DCDC1: variants seen among roughly 807,000 people sequenced by gnomAD.
DCDC1 encodes doublecortin domain-containing protein 1.
A neutral mutation model predicts 178.3 loss-of-function variants in DCDC1; 200 were observed. The observed-to-expected ratio is 1.12, with a 90% CI of 1.00 to 1.26. The LOEUF (loss-of-function observed/expected upper bound fraction) is 1.26. Among genes scored for constraint, DCDC1 ranks in the 50% most tolerant of loss-of-function variants. The pLI is 0.00. For synonymous variants in DCDC1, 690 were observed against 604.8 expected (o/e 1.14, Z -2.07); for missense variants, 1,983 against 1,749.2 (o/e 1.13, Z -2.38).
At chr11:31,056,265 G>A (rs1055636203) in intron 20 of DCDC1, among the ~76,000 whole-genome samples, 1 of 151,798 alleles carries the variant, frequency 6.6e-6, no homozygotes, top group African/African-American at 2.4e-5. Flanking sequence ...AATTTTAGAG[G>A]AGACCAAAAA....
intron 36 of DCDC1, 122 bp from the exon 37 acceptor site, chr11:30,881,430 T>A: frequency 7.9e-7 from 1 of 1,260,960 alleles, no homozygotes; most frequent in East Asian, 2.4e-5. Context: ...CTGATAGTTG[T>A]TAGACATTCG....
At chr11:30,923,774 G>T (rs1946419065) in intron 23 of DCDC1, among the ~76,000 whole-genome samples, 1 of 151,734 alleles carries the variant, frequency 6.6e-6, no homozygotes, top group African/African-American at 2.4e-5. Context: ...CTGCCACCAT[G>T]CCCAGCTAAT....
chr11:31,170,251 A>G (rs955809015), intron 9 of DCDC1, among the ~76,000 whole-genome samples: 7 of 152,116 alleles, frequency 4.6e-5, no homozygotes, highest in Non-Finnish European at 8.8e-5. Context: ...GTGTATGCTG[A>G]TGTCATTCTG....
At chr11:31,360,322 A>C (rs1272051367) in intron 1 of DCDC1, among the ~76,000 whole-genome samples, 1 of 152,136 alleles carries the variant, frequency 6.6e-6, no homozygotes, top group African/African-American at 2.4e-5. Flanking sequence ...AACTCCTCTA[A>C]AGAAAGATGT....
chr11:31,355,072 T>C (rs948404960), intron 1 of DCDC1, among the ~76,000 whole-genome samples: 3 of 152,132 alleles, frequency 2.0e-5, no homozygotes, highest in Admixed American at 1.3e-4. Flanking sequence ...GGATGCACTT[T>C]GTGAATGAAT....
intron 20 of DCDC1, among the ~76,000 whole-genome samples, chr11:31,056,702 T>A (rs996147022): frequency 1.3e-5 from 2 of 152,012 alleles, no homozygotes; most frequent in African/African-American, 4.8e-5. Flanking sequence ...AAAGGAGAAA[T>A]AGAAAAATCC....
chr11:31,232,389 A>T (rs575757875), intron 9 of DCDC1, among the ~76,000 whole-genome samples: 1 of 152,170 alleles, frequency 6.6e-6, no homozygotes, highest in Non-Finnish European at 1.5e-5. Flanking sequence ...ACTTTAAAAA[A>T]ATATAACCAC....
chr11:31,303,825 A>G (rs1206857402), intron 6 of DCDC1, among the ~76,000 whole-genome samples: 3 of 152,138 alleles, frequency 2.0e-5, no homozygotes, highest in Non-Finnish European at 4.4e-5. Context: ...GACAAGGCAC[A>G]TCTGCCACCT....
chr11:30,869,424 C>G (rs750711574), intron 38 of DCDC1, among the ~76,000 whole-genome samples: 6 of 152,098 alleles, frequency 3.9e-5, no homozygotes, highest in Non-Finnish European at 8.8e-5. Context: ...CTTTTTAAAC[C>G]AACAAGTTAC....
intron 30 of DCDC1, 55 bp downstream of exon 30, chr11:30,906,485 A>C: frequency 1.3e-6 from 2 of 1,539,228 alleles, no homozygotes; most frequent in Non-Finnish European, 1.8e-6. Context: ...TGAATGCATC[A>C]AAGTTTCCAA....
At chr11:31,067,887 A>G (rs1180192202) in intron 18 of DCDC1, among the ~76,000 whole-genome samples, 1 of 152,174 alleles carries the variant, frequency 6.6e-6, no homozygotes, top group Non-Finnish European at 1.5e-5. Context: ...AGAGGAATAG[A>G]TGTCAAGTCC....
At chr11:31,011,692 C>T (rs985862116) in intron 20 of DCDC1, among the ~76,000 whole-genome samples, 1 of 152,114 alleles carries the variant, frequency 6.6e-6, no homozygotes, top group South Asian at 2.1e-4. Context: ...AGTATGTGTG[C>T]GCTTTATTCA....
intron 16 of DCDC1, 48 bp downstream of exon 16, chr11:31,094,002 C>T (rs1364613787): frequency 1.3e-6 from 1 of 747,388 alleles, no homozygotes; most frequent in Admixed American, 1.8e-5. Flanking sequence ...TGCCGTGAGC[C>T]AGCAAGCAAG....
At chr11:31,098,264 A>C (rs1004448911) in intron 15 of DCDC1, among the ~76,000 whole-genome samples, 7 of 152,214 alleles carry the variant, frequency 4.6e-5, no homozygotes, top group African/African-American at 1.7e-4. Flanking sequence ...TCATGGAAAC[A>C]TCTAGTTTGA....
intron 31 of DCDC1, 25 bp downstream of exon 31, chr11:30,904,936 C>A: frequency 6.2e-7 from 1 of 1,612,694 alleles, no homozygotes; most frequent in Non-Finnish European, 8.5e-7. Flanking sequence ...AAGATGCAAG[C>A]AGCATTTAAG....
intron 20 of DCDC1, among the ~76,000 whole-genome samples, chr11:30,973,689 A>G (rs1565142011): frequency 1.3e-5 from 2 of 152,206 alleles, no homozygotes; most frequent in Non-Finnish European, 2.9e-5. Context: ...TCAATTCAGT[A>G]AGAGGATATA....
intron 10 of DCDC1, among the ~76,000 whole-genome samples, chr11:31,131,921 C>T (rs900205417): frequency 6.6e-6 from 1 of 152,158 alleles, no homozygotes; most frequent in African/African-American, 2.4e-5. Flanking sequence ...CAATCCATAG[C>T]CTTTCACTGA....
At chr11:31,079,310 C>T (rs1957041537) in intron 17 of DCDC1, among the ~76,000 whole-genome samples, 1 of 152,218 alleles carries the variant, frequency 6.6e-6, no homozygotes, top group African/African-American at 2.4e-5. Context: ...CCCAACTCCA[C>T]AGGAACAGAA....
chr11:31,280,839 T>C (rs1248542498), intron 7 of DCDC1: 3 of 623,650 alleles, frequency 4.8e-6, no homozygotes, highest in Non-Finnish European at 9.2e-6. Context: ...TTGGCATCTG[T>C]GTAAGTGAAT....
Sources: allele counts gnomAD v4.1 joint callset (sites outside exome capture counted in the v4.1 genomes callset), GRCh38; gene constraint gnomAD v4.1.1; transcripts MANE v1.5; gene names NCBI Gene and HGNC (gene_info 2026-07-23, HGNC 2026-07-21).